The following KLRG1 variants were observed in gnomAD, a reference collection of about 807,000 sequenced individuals.
KLRG1 encodes killer cell lectin like receptor G1, also known as killer cell lectin-like receptor subfamily G member 1.
Under a neutral mutation model 21.8 loss-of-function variants are expected in KLRG1, and 16 were observed. The observed-to-expected ratio is 0.73, with a 90% CI of 0.50 to 1.11. The LOEUF (loss-of-function observed/expected upper bound fraction) is 1.11. Ranked by LOEUF, KLRG1 falls within the 50% of genes most tolerant of loss-of-function variation. The pLI is 0.00. For synonymous variants in KLRG1, 69 were observed against 75.9 expected (o/e 0.91, Z 0.47); for missense variants, 173 against 218.3 (o/e 0.79, Z 1.31).
chr12:9,169,416 A>C, the KLRG1 span: 2 of 1,570,600 alleles, frequency 1.3e-6, no homozygotes, highest in Admixed American at 1.8e-5. Context: ...GTTAATAAGT[A>C]GTGAGAATTT....
At chr12:9,074,737 C>G in the KLRG1 span, 1 of 1,613,740 alleles carries the variant, frequency 6.2e-7, no homozygotes, top group Non-Finnish European at 8.5e-7. Context: ...AAAAATGCCC[C>G]ACTGGTGCCT....
chr12:8,988,309 C>G (rs1946878972), upstream of KLRG1: 1 of 152,190 alleles, frequency 6.6e-6, no homozygotes, highest in African/African-American at 2.4e-5. Context: ...TCATTGCACT[C>G]ACCTTTGTAT....
At chr12:9,115,361 TTA>T in the KLRG1 span, 35 of 162,528 alleles carry the variant, frequency 2.2e-4, no homozygotes, top group East Asian at 6.0e-3. Flanking sequence ...CTATAGATTT[TTA>T]TACTCCAGGG....
chr12:9,182,307 CT>C, the KLRG1 span, among the ~76,000 whole-genome samples: 1 of 152,192 alleles, frequency 6.6e-6, no homozygotes. Flanking sequence ...CCCTTCAGAA[CT>C]TTAATTATAG....
chr12:9,128,103 A>C, the KLRG1 span: 1 of 194,450 alleles, frequency 5.1e-6, no homozygotes, highest in Non-Finnish European at 1.1e-5. Flanking sequence ...CTGAAGACGC[A>C]CATCCAAGGC....
chr12:9,077,310 A>G, the KLRG1 span: 1 of 1,575,190 alleles, frequency 6.3e-7, no homozygotes, highest in African/African-American at 1.3e-5. Flanking sequence ...TTGCATCCAG[A>G]ACTCTCCTTC....
At chr12:9,170,604 A>G in the KLRG1 span, among the ~76,000 whole-genome samples, 1 of 152,270 alleles carries the variant, frequency 6.6e-6, no homozygotes, top group South Asian at 2.1e-4. The surrounding 1 kb of genome is among the most constrained non-coding windows in gnomAD (Gnocchi z 4.6). Flanking sequence ...GAGTTCCTGC[A>G]GGGAGAGGTG....
At chr12:9,181,840 G>A in the KLRG1 span, 17 of 872,440 alleles carry the variant, frequency 1.9e-5, no homozygotes, top group African/African-American at 2.2e-4. Context: ...AGAAATTTGG[G>A]TCTGCCATAA....
At chr12:8,999,389 C>A (rs1272316326) in intron 3 of KLRG1, among the ~76,000 whole-genome samples, 1 of 152,144 alleles carries the variant, frequency 6.6e-6, no homozygotes, top group African/African-American at 2.4e-5. Context: ...ATCTCTCTTC[C>A]TCATTATCAT....
At chr12:9,078,782 A>T in the KLRG1 span, among the ~76,000 whole-genome samples, 1 of 152,194 alleles carries the variant, frequency 6.6e-6, no homozygotes, top group African/African-American at 2.4e-5. Context: ...AAATTTTAAT[A>T]TTGCTTTACT....
chr12:9,028,189 T>C, the KLRG1 span: 3 of 604,952 alleles, frequency 5.0e-6, no homozygotes, highest in Non-Finnish European at 5.8e-6. Flanking sequence ...CTGGCTCTTG[T>C]CACCTAGGCT....
the KLRG1 span, among the ~76,000 whole-genome samples, chr12:9,085,827 C>T: frequency 1.3e-5 from 2 of 151,468 alleles, no homozygotes; most frequent in African/African-American, 4.9e-5. Flanking sequence ...TGGCTGATAC[C>T]ACAGAAATAC....
chr12:9,107,377 TTCA>T, the KLRG1 span: 6 of 970,848 alleles, frequency 6.2e-6, no homozygotes, highest in East Asian at 2.7e-5. Flanking sequence ...TTGTGCTAAG[TTCA>T]TGATTTTTTT....
chr12:9,009,237 C>CAA (rs112576720), intron 4 of KLRG1, among the ~76,000 whole-genome samples, 162 bp downstream of exon 4: 4,072 of 107,766 alleles, frequency 0.038, 228 homozygotes, highest in African/African-American at 0.13. Flanking sequence ...TGGGTAAGGG[C>CAA]AAAAAAAAAA....
chr12:9,013,760 ACCTCCCACCAGGTC>A (rs1363417690), downstream of KLRG1, among the ~76,000 whole-genome samples: 1 of 152,032 alleles, frequency 6.6e-6, no homozygotes, highest in African/African-American at 2.4e-5. Flanking sequence ...CCCACCAGGT[ACCTCCCACCAGGTC>A]CCTCCCACAA....
chr12:9,079,741 T>C, the KLRG1 span: 1 of 1,613,722 alleles, frequency 6.2e-7, no homozygotes, highest in Non-Finnish European at 8.5e-7. Flanking sequence ...AAGAGGACCA[T>C]ATTCTGCTCT....
chr12:9,165,086 CA>C, the KLRG1 span: 1 of 1,565,020 alleles, frequency 6.4e-7, no homozygotes, highest in Non-Finnish European at 8.8e-7. Context: ...GCTGACTGAT[CA>C]AAGGAATCTT....
chr12:9,178,791 G>T, the KLRG1 span, among the ~76,000 whole-genome samples: 1 of 152,176 alleles, frequency 6.6e-6, no homozygotes, highest in Non-Finnish European at 1.5e-5. Context: ...GACACCCACT[G>T]AAGGTCTTGG....
At chr12:9,022,183 T>A in the KLRG1 span, among the ~76,000 whole-genome samples, 1 of 152,236 alleles carries the variant, frequency 6.6e-6, no homozygotes, top group African/African-American at 2.4e-5. Flanking sequence ...ATAACAGTTG[T>A]TTATTATCAT....
Sources: allele counts gnomAD v4.1 joint callset (sites outside exome capture counted in the v4.1 genomes callset), GRCh38; gene constraint gnomAD v4.1.1; non-coding constraint Gnocchi (gnomAD v3.1); transcripts MANE v1.5; gene names NCBI Gene and HGNC (gene_info 2026-07-23, HGNC 2026-07-21).